The following EYA2 variants were observed in gnomAD, a reference collection of about 807,000 sequenced individuals.
The protein encoded by EYA2 is protein phosphatase EYA2.
EYA2 carries 31 observed loss-of-function variants against 69.2 expected under a neutral mutation model. That is an observed-to-expected ratio of 0.45 (90% confidence interval 0.34 to 0.60). The LOEUF is 0.60. Among genes scored for constraint, EYA2 ranks in the 20% least tolerant of loss-of-function variants. The pLI, the probability that EYA2 is intolerant of heterozygous loss-of-function variation, is 0.02. For missense variants in EYA2, 622 were observed against 701.2 expected (o/e 0.89, Z 1.28); for synonymous variants, 257 against 279.4 (o/e 0.92, Z 0.80).
At chr20:47,089,485 C>T in intron 8 of EYA2, 104 bp downstream of exon 8, 2 of 1,343,684 alleles carry the variant, frequency 1.5e-6, no homozygotes, top group Non-Finnish European at 2.0e-6. Flanking sequence ...GGAGAATCGC[C>T]CTTCGTGTTT....
intron 1 of EYA2, among the ~76,000 whole-genome samples, chr20:46,906,122 C>T (rs980342769): frequency 2.6e-5 from 4 of 152,078 alleles, no homozygotes; most frequent in Non-Finnish European, 5.9e-5. Flanking sequence ...ATATAAAAAG[C>T]ATTTGAAACA....
chr20:47,046,151 G>C (rs760730744), intron 5 of EYA2, among the ~76,000 whole-genome samples: 15 of 152,164 alleles, frequency 9.9e-5, no homozygotes, highest in Non-Finnish European at 2.1e-4. Flanking sequence ...CTATCTTTTT[G>C]TTGTGTCCTT....
chr20:46,908,712 A>G (rs1257648979), intron 1 of EYA2, among the ~76,000 whole-genome samples: 1 of 151,934 alleles, frequency 6.6e-6, no homozygotes, highest in East Asian at 1.9e-4. Flanking sequence ...ATTTTTCAAA[A>G]TCTGAATTTT....
intron 4 of EYA2, among the ~76,000 whole-genome samples, chr20:47,012,306 G>A (rs1457162442): frequency 1.3e-5 from 2 of 152,184 alleles, no homozygotes; most frequent in East Asian, 3.8e-4. Context: ...GGAGTAGCAG[G>A]TCTGATGAGA....
At chr20:47,070,170 C>T (rs2031262672) in intron 5 of EYA2, among the ~76,000 whole-genome samples, 1 of 152,154 alleles carries the variant, frequency 6.6e-6, no homozygotes, top group African/African-American at 2.4e-5. Context: ...ATATAAAGAA[C>T]TCTTATAACA....
chr20:47,179,840 G>T lies in EYA2; in HGVS notation c.1241G>T (p.Arg414Leu). The change falls in exon 13 of 16, where the codon CGA becomes CTA. Residue 414 changes from arginine (R) to leucine (L), a missense_variant. Coordinates refer to ENST00000327619, the MANE Select transcript of EYA2 (RefSeq NM_005244.5). ...TPKRETWLQL[R>L]AELEALTDLW... ...AAAAGGGAGACCTGGCTACAGCTCC[G>T]AGCTGAGCTGGAAGCTCTCACAGAC... 6.2e-7 allele frequency: 1 copy of T among 1,614,044 alleles called. No homozygotes were observed. Among genetic ancestry groups the T allele is most frequent in the Non-Finnish European group, 8.5e-7 (1 of 1,179,998 alleles).
intron 1 of EYA2, among the ~76,000 whole-genome samples, chr20:46,897,281 C>G (rs1228626493): frequency 2.0e-5 from 3 of 152,164 alleles, no homozygotes; most frequent in Non-Finnish European, 4.4e-5. Context: ...CAAAAAGGCT[C>G]TGTGGTGTAG....
At chr20:46,939,243 G>A (rs1253914337) in intron 1 of EYA2, among the ~76,000 whole-genome samples, 1 of 152,036 alleles carries the variant, frequency 6.6e-6, no homozygotes, top group African/African-American at 2.4e-5. Flanking sequence ...ATTTTAGCTG[G>A]GACTGTTAAG....
chr20:47,186,657 C>T (rs895271269), intron 15 of EYA2, among the ~76,000 whole-genome samples: 3 of 152,130 alleles, frequency 2.0e-5, no homozygotes, highest in Non-Finnish European at 2.9e-5. Context: ...CCACGCCCGG[C>T]CTCCTCATTC....
At chr20:47,074,430 G>A (rs189971332) in intron 7 of EYA2, 95 bp downstream of exon 7, 2 of 1,332,042 alleles carry the variant, frequency 1.5e-6, no homozygotes, top group African/African-American at 2.9e-5. Context: ...TAACAAACAG[G>A]TTACCCAAGG....
chr20:47,156,158 ATATATATATATATATATATATATAT>A (rs2033942769), intron 10 of EYA2, among the ~76,000 whole-genome samples: 1 of 40,236 alleles, frequency 2.5e-5, no homozygotes, highest in South Asian at 9.6e-4. Flanking sequence ...ATATATATAT[ATATATATATATATATATATATATAT>A]ATTAGCCGGG....
At position 47,125,813 on chromosome 20, in the gene EYA2, C is replaced by A. The variant is rs145919453; in HGVS notation, c.889-17246C>A. On this transcript the variant is annotated intron_variant, in intron 9 of 15. Coordinates refer to ENST00000327619, the MANE Select transcript of EYA2 (RefSeq NM_005244.5). ...GTTCAACTTGTAAACAGCTCCTTGG[C>A]GGTGATTTTTTAAAGACCCAGTTGG... is the stretch of plus-strand genomic sequence containing the variant. Among the ~76,000 whole-genome samples the A allele has an allele frequency of 8.2e-4, 124 of 152,078 alleles. No individual in the cohort carries two copies. The South Asian group carries it at 9.8e-3, about 12-fold the overall frequency.
intron 1 of EYA2, among the ~76,000 whole-genome samples, chr20:46,981,859 T>A (rs916560176): frequency 6.6e-6 from 1 of 152,098 alleles, no homozygotes; most frequent in African/African-American, 2.4e-5. Context: ...AGTCTGGTGA[T>A]CTTTGTCTTT....
intron 4 of EYA2, among the ~76,000 whole-genome samples, chr20:47,014,098 T>C (rs566702361): frequency 6.6e-6 from 1 of 152,328 alleles, no homozygotes; most frequent in African/African-American, 2.4e-5. Flanking sequence ...AATTACTTCA[T>C]TCAGAGCCTT....
rs759434947 is a variant in EYA2, at chr20:47,072,242, G to A, written c.473G>A (p.Ser158Asn). 14 of 1,611,742 alleles carry A rather than the reference G, an allele frequency of 8.7e-6. No homozygotes were observed. The highest frequency in any genetic ancestry group is 3.3e-5 in the Admixed American group (2 of 59,808). Residue 158 changes from serine to asparagine, a missense_variant, in exon 6 of 16, where the codon AGT (serine) becomes AAT (asparagine). By Grantham distance (46) the Ser-to-Asn change is conservative. Coordinates refer to ENST00000327619, the MANE Select transcript of EYA2 (RefSeq NM_005244.5). ...CTGGGCAACGCAGCCGGTTTCGGGA[G>A]TGTGCACCAGGTAGACATGGCTCCC... ...NGLGNAAGFG[S>N]VHQDYPSYPG...
At chr20:46,976,503 A>G (rs550813338) in intron 1 of EYA2, among the ~76,000 whole-genome samples, 2 of 152,242 alleles carry the variant, frequency 1.3e-5, no homozygotes, top group Admixed American at 6.5e-5. Context: ...CTCCTGCCTC[A>G]GCCTCCCGAG....
chr20:47,121,273 G>T, intron 9 of EYA2, among the ~76,000 whole-genome samples: 1 of 152,092 alleles, frequency 6.6e-6, no homozygotes, highest in South Asian at 2.1e-4. Flanking sequence ...TGTATTTTTA[G>T]TTGAGACAGA....
chr20:47,144,352 CA>C (rs11304780), intron 10 of EYA2, among the ~76,000 whole-genome samples: 51,973 of 116,156 alleles, frequency 0.45, 9,271 homozygotes, highest in East Asian at 0.53. Flanking sequence ...AAGACACCAT[CA>C]AAAAAAAAAA....
chr20:47,159,407 C>G (rs996065816), intron 10 of EYA2, among the ~76,000 whole-genome samples: 1 of 151,950 alleles, frequency 6.6e-6, no homozygotes, highest in African/African-American at 2.4e-5. Context: ...TTCACACCGT[C>G]CTCAAAAGCA....
Sources: gnomAD v4.1 joint callset for allele counts (sites outside exome capture counted in the v4.1 genomes callset) on GRCh38, gnomAD v4.1.1 for gene constraint, MANE v1.5 for transcripts, NCBI Gene and HGNC (gene_info 2026-07-23, HGNC 2026-07-21) for gene names.